The following SORT1 variants were observed in gnomAD, a reference collection of about 807,000 sequenced individuals.
The protein encoded by SORT1 is sortilin 1.
In SORT1, 39 loss-of-function variants were observed where a neutral mutation model predicts 101.7. That is an observed-to-expected ratio of 0.38 (90% CI 0.30 to 0.50). The LOEUF (loss-of-function observed/expected upper bound fraction) is 0.50. Among genes scored for constraint, SORT1 ranks in the 20% least tolerant of loss-of-function variants. SORT1 has a pLI of 0.90. For missense variants in SORT1, 878 were observed against 1,040.4 expected (o/e 0.84, Z 2.15); for synonymous variants, 396 against 393.7 (o/e 1.01, Z -0.07).
chr1:109,332,790 G>A (rs181111071), intron 11 of SORT1, among the ~76,000 whole-genome samples: 3 of 152,200 alleles, frequency 2.0e-5, no homozygotes, highest in East Asian at 1.9e-4. Flanking sequence ...AGAATAGAGA[G>A]CACAGAAATA....
At chr1:109,373,934 A>G (rs1651654907) in intron 1 of SORT1, among the ~76,000 whole-genome samples, 1 of 151,966 alleles carries the variant, frequency 6.6e-6, no homozygotes, top group South Asian at 2.1e-4. Context: ...AAACAATTTA[A>G]AAAAATCAGC....
intron 1 of SORT1, among the ~76,000 whole-genome samples, chr1:109,378,756 AT>A (rs1652036774): frequency 3.9e-5 from 3 of 76,038 alleles, no homozygotes; most frequent in Non-Finnish European, 5.0e-5. Context: ...ATATATATAT[AT>A]ATATAAAGAT....
Position 109,319,054 on chromosome 1 carries a change from A to C in SORT1, c.2025-1085T>G, listed in dbSNP as rs1305386143. 2.6e-5 allele frequency among the ~76,000 whole-genome samples: 4 copies of C among 152,362 alleles called. No individual in the cohort carries two copies. The East Asian group carries it at 7.7e-4, about 29-fold the overall frequency. Reference sequence around the variant, plus strand: ...CAGCCTCCCGAAGTATTGGGATTACAGGCATGAGTCACTGTGCCCAGCCAG... The same window carrying C: ...CAGCCTCCCGAAGTATTGGGATTACCGGCATGAGTCACTGTGCCCAGCCAG... On this transcript the variant is annotated intron_variant, in intron 15 of 19. Coordinates refer to ENST00000256637, the MANE Select transcript of SORT1 (RefSeq NM_002959.7).
In SORT1 at chr1:109,312,737, C is replaced by T. The variant is rs1007038865; in HGVS notation, c.*1306G>A. 1 of 152,348 alleles carries T rather than the reference C, an allele frequency of 6.6e-6. No individual in the cohort carries two copies. The highest frequency in any genetic ancestry group is 6.5e-5 in the Admixed American group (1 of 15,274). The allele number at this position is 152,348 out of a possible 1,614,324, so 9.4% of individuals were successfully genotyped here. A position where few individuals can be genotyped will look rare whatever the true frequency, so the allele number is the denominator to read the frequency against. On this transcript the variant is annotated 3_prime_UTR_variant, in exon 20 of 20. Transcript: ENST00000256637. ...AGCTTTCCATTACTATATGGCCACC[C>T]CAAAATCCACCCAACTACATTCTAT...
At chr1:109,370,971 T>C (rs56758568) in intron 1 of SORT1, among the ~76,000 whole-genome samples, 6,766 of 152,254 alleles carry the variant, frequency 0.044, 510 homozygotes, top group African/African-American at 0.16. Flanking sequence ...AAACATGAAC[T>C]GTTTTGTTTA....
chr1:109,325,168 A>T (rs1647905251), intron 13 of SORT1, 79 bp from the exon 14 acceptor site: 1 of 848,828 alleles, frequency 1.2e-6, no homozygotes, highest in Admixed American at 2.9e-5. Context: ...TGGCTTTTTG[A>T]TCCCAAACCA....
intron 15 of SORT1, among the ~76,000 whole-genome samples, chr1:109,319,598 G>A (rs763583838): frequency 1.3e-5 from 2 of 152,192 alleles, no homozygotes; most frequent in African/African-American, 2.4e-5. Context: ...CGGGCGTGGT[G>A]GCTCATGCCT....
chr1:109,384,211 G>T (rs1200686053), intron 1 of SORT1, among the ~76,000 whole-genome samples: 2 of 152,146 alleles, frequency 1.3e-5, no homozygotes, highest in African/African-American at 2.4e-5. Context: ...GATACTCACC[G>T]AAAAGAAGCA....
At chr1:109,397,532 G>A (rs1417911275) in intron 1 of SORT1, 55 bp downstream of exon 1, 4 of 1,075,316 alleles carry the variant, frequency 3.7e-6, no homozygotes, top group Non-Finnish European at 4.5e-6. Context: ...GGCCGGGAGG[G>A]GCACGCGGGC....
At chr1:109,325,366 T>C (rs1045117072) in intron 13 of SORT1, among the ~76,000 whole-genome samples, 6 of 150,862 alleles carry the variant, frequency 4.0e-5, no homozygotes, top group Admixed American at 3.3e-4. Context: ...CTCAGCCTCC[T>C]GAGTAGCTGG....
rs57014091 is a variant in SORT1 at position 109,375,541 on chromosome 1, CAAAAA to C, written c.307-5957_307-5953del. 1.5e-4 allele frequency among the ~76,000 whole-genome samples: 11 copies of C among 71,084 alleles called. No homozygotes were observed. The East Asian group carries it at 2.7e-3, about 18-fold the overall frequency. The allele number at this position is 71,084 out of a possible 152,430, so 46.6% of individuals were successfully genotyped here. On this transcript the variant is annotated intron_variant, in intron 1 of 19. Coordinates refer to ENST00000256637, the MANE Select transcript of SORT1 (RefSeq NM_002959.7). ...CCTGGGCGACAGTGAGACTCCGTTTCAAAAAAAAAAAAAAAAGATATAATAGCCAA... is the reference window on the plus strand; with the variant it reads ...CCTGGGCGACAGTGAGACTCCGTTTCAAAAAAAAAAAGATATAATAGCCAA...
chr1:109,362,669 C>T (rs1445603028), intron 3 of SORT1, among the ~76,000 whole-genome samples: 1 of 151,882 alleles, frequency 6.6e-6, no homozygotes, highest in Admixed American at 6.6e-5. Flanking sequence ...AATCACAGAA[C>T]TTTTAATCAG....
chr1:109,370,822 T>C (rs1269199574), intron 1 of SORT1, among the ~76,000 whole-genome samples: 1 of 152,162 alleles, frequency 6.6e-6, no homozygotes, highest in African/African-American at 2.4e-5. Flanking sequence ...CAGTAAGCAT[T>C]TGTTGAAAAT....
chr1:109,349,885 A>G (rs904953204), intron 6 of SORT1, among the ~76,000 whole-genome samples: 1 of 152,246 alleles, frequency 6.6e-6, no homozygotes, highest in Non-Finnish European at 1.5e-5. Context: ...CCTGATTCCT[A>G]GAGTACAGGA....
intron 1 of SORT1, among the ~76,000 whole-genome samples, chr1:109,382,123 A>G (rs1570983353): frequency 6.6e-6 from 1 of 152,002 alleles, no homozygotes; most frequent in Non-Finnish European, 1.5e-5. Flanking sequence ...GTACACATAG[A>G]CCATATCAGT....
In SORT1 at chr1:109,397,769, G is replaced by A; in HGVS notation, c.124C>T (p.Pro42Ser). The A allele has an allele frequency of 1.7e-6, 2 of 1,211,674 alleles. No individual in the cohort carries two copies. Among genetic ancestry groups the A allele is most frequent in the Non-Finnish European group, 1.0e-6 (1 of 973,184 alleles). The allele number at this position is 1,211,674 out of a possible 1,614,324, so 75.1% of individuals were successfully genotyped here. Residue 42 changes from proline (P) to serine (S), a missense_variant, in exon 1 of 20, where the codon CCG (proline) becomes TCG (serine). This residue lies in a region of SORT1 where 194 missense variants were observed against 145.9 expected (regional missense o/e 1.33). Transcript: ENST00000256637. The stretch of plus-strand genomic sequence containing the variant: ...CAGCGCGGCAGCGGCGCAGCGGGCG[G>A]CGGCGGCGCGTCCAGCCGGTCCTGG... ...LSQDRLDAPP[P>S]PAAPLPRWSG...
At chr1:109,330,166 AT>A (rs929648812) in intron 11 of SORT1, among the ~76,000 whole-genome samples, 6 of 149,064 alleles carry the variant, frequency 4.0e-5, no homozygotes, top group African/African-American at 4.9e-5. Context: ...ACGCCCAGCT[AT>A]TTTTTTTTTG....
intron 6 of SORT1, 48 bp from the exon 7 acceptor site, chr1:109,347,580 AG>A (rs1277266517): frequency 7.4e-7 from 1 of 1,350,774 alleles, no homozygotes; most frequent in Non-Finnish European, 1.1e-6. Context: ...AGACTGCTGA[AG>A]GACTGTGTTG....
rs1658719047 is a variant in SORT1, at chr1:109,311,316, A to C, written c.*2727T>G. On this transcript the variant is annotated 3_prime_UTR_variant, in exon 20 of 20. Transcript: ENST00000256637. ...AGAAATGATCTCTTCTGCTACATCA[A>C]GCCTGGGAGTTTACACAATGATACA... The C allele has an allele frequency of 1.3e-5, 2 of 152,244 alleles. No individual in the cohort carries two copies. The highest frequency in any genetic ancestry group is 2.9e-5 in the Non-Finnish European group (2 of 68,048). The allele number at this position is 152,244 out of a possible 1,614,324, so 9.4% of individuals were successfully genotyped here.
Sources: gnomAD v4.1 joint callset for allele counts (sites outside exome capture counted in the v4.1 genomes callset) on GRCh38, gnomAD v4.1.1 for gene constraint, gnomAD v4.1.1 regional missense constraint, MANE v1.5 for transcripts, NCBI Gene and HGNC (gene_info 2026-07-23, HGNC 2026-07-21) for gene names.